The following ANKS1A variants were observed in gnomAD, a reference collection of about 807,000 sequenced individuals.
ANKS1A encodes the protein ankyrin repeat and SAM domain-containing protein 1A.
Under a neutral mutation model 120.3 loss-of-function variants are expected in ANKS1A, and 55 were observed. That is an observed-to-expected ratio of 0.46 (90% CI 0.37 to 0.57). The LOEUF is 0.57. Among genes scored for constraint, ANKS1A ranks in the 20% least tolerant of loss-of-function variants. The pLI is 0.00. For missense variants in ANKS1A, 1,123 were observed against 1,480.3 expected, an observed-to-expected ratio of 0.76 and a Z score of 3.96; for synonymous variants, 590 against 604.7, an observed-to-expected ratio of 0.98 and a Z score of 0.36.
chr6:35,070,847 C>T (rs909059378), intron 13 of ANKS1A: 79 of 565,582 alleles, frequency 1.4e-4, no homozygotes, highest in East Asian at 3.0e-4. Flanking sequence ...TGTGTGTGTG[C>T]GCGCCAAAGA....
At chr6:35,052,766 G>A (rs1320811890) in intron 11 of ANKS1A, among the ~76,000 whole-genome samples, 2 of 152,050 alleles carry the variant, frequency 1.3e-5, no homozygotes, top group African/African-American at 4.8e-5. Context: ...GGAGGGAGGC[G>A]TTTTCTTCAA....
At chr6:34,924,901 G>A (rs968440637) in intron 1 of ANKS1A, among the ~76,000 whole-genome samples, 41 of 152,152 alleles carry the variant, frequency 2.7e-4, no homozygotes, top group African/African-American at 7.5e-4. Context: ...GATTATAGGC[G>A]TGAGCCACCA....
chr6:34,941,694 C>T (rs559281984), intron 1 of ANKS1A, among the ~76,000 whole-genome samples: 6 of 152,340 alleles, frequency 3.9e-5, no homozygotes, highest in African/African-American at 1.4e-4. Context: ...ATTGGATTCT[C>T]TGATGCTCAA....
At chr6:34,927,136 C>A (rs1467644276) in intron 1 of ANKS1A, among the ~76,000 whole-genome samples, 3 of 151,532 alleles carry the variant, frequency 2.0e-5, no homozygotes, top group Non-Finnish European at 2.9e-5. Context: ...AATCATATTA[C>A]GTAAAATGGT....
intron 1 of ANKS1A, among the ~76,000 whole-genome samples, chr6:34,895,308 T>G (rs531208390): frequency 6.6e-6 from 1 of 151,992 alleles, no homozygotes; most frequent in East Asian, 1.9e-4. Flanking sequence ...CTCATCCTCC[T>G]GAGCTATTGG....
rs896357360 is a variant in ANKS1A, at chr6:35,060,372, A to G, written c.2184+119A>G. ...GTACGTAGACCCAAATCCCAGGGAA[A>G]GCTCACTGAGGTCACTCAGACACCA... is the stretch of plus-strand genomic sequence containing the variant. On this transcript the variant is annotated intron_variant, in intron 13 of 23. Coordinates refer to ENST00000360359, the MANE Select transcript of ANKS1A (RefSeq NM_015245.3). The surrounding 1 kb of genome is among the most constrained non-coding windows in gnomAD (Gnocchi z 4.5). 4.8e-6 allele frequency: 4 copies of G among 835,934 alleles called. No homozygotes were observed. Among genetic ancestry groups the G allele is most frequent in the East Asian group, 2.8e-5 (1 of 36,142 alleles). The allele number at this position is 835,934 out of a possible 1,614,324, so 51.8% of individuals were successfully genotyped here.
At chr6:34,900,443 C>G (rs1767290723) in intron 1 of ANKS1A, among the ~76,000 whole-genome samples, 1 of 150,170 alleles carries the variant, frequency 6.7e-6, no homozygotes, top group Non-Finnish European at 1.5e-5. Context: ...CTCATAACAA[C>G]TCTCTCTGTT....
At position 35,067,522 on chromosome 6, in the gene ANKS1A, C is replaced by T. The variant is rs373412305; in HGVS notation, c.2184+7269C>T. On this transcript the variant is annotated intron_variant, in intron 13 of 23. Transcript: ENST00000360359. ...GAGTGCCCAGTGGCAGGGTGAGTGA[C>T]GGGCGTGCTTGAGTTGGTGCCGTCG... 4.3e-3 allele frequency among the ~76,000 whole-genome samples: 654 copies of T among 152,256 alleles called. 5 individuals carry two copies. Among genetic ancestry groups the T allele is most frequent in the Middle Eastern group, 0.027 (8 of 294 alleles).
At chr6:35,049,363 A>G (rs951459131) in intron 11 of ANKS1A, among the ~76,000 whole-genome samples, 2 of 152,224 alleles carry the variant, frequency 1.3e-5, no homozygotes, top group Non-Finnish European at 2.9e-5. Flanking sequence ...GCTGTGTACA[A>G]GGCATATGGT....
chr6:35,081,655 C>T (rs547279258), intron 17 of ANKS1A, among the ~76,000 whole-genome samples: 1 of 152,256 alleles, frequency 6.6e-6, no homozygotes, highest in Non-Finnish European at 1.5e-5. Flanking sequence ...TTCTGTTCTT[C>T]CTGTTCTCTG....
At chr6:34,994,972 G>A (rs1266327364) in intron 10 of ANKS1A, among the ~76,000 whole-genome samples, 2 of 152,200 alleles carry the variant, frequency 1.3e-5, no homozygotes, top group African/African-American at 4.8e-5. Flanking sequence ...CTGAGATCCA[G>A]CCCGTCGATA....
intron 3 of ANKS1A, among the ~76,000 whole-genome samples, chr6:34,979,519 T>A (rs1431024633): frequency 6.6e-6 from 1 of 152,214 alleles, no homozygotes; most frequent in African/African-American, 2.4e-5. Flanking sequence ...TGACCTTGCC[T>A]TTAGCAGGGC....
chr6:35,074,899 C>A (rs1403342024), intron 13 of ANKS1A, among the ~76,000 whole-genome samples: 2 of 152,234 alleles, frequency 1.3e-5, no homozygotes, highest in Non-Finnish European at 2.9e-5. Flanking sequence ...GGCCAGCAGT[C>A]ACCACACGGG....
intron 11 of ANKS1A, among the ~76,000 whole-genome samples, chr6:35,032,049 A>G (rs974297650): frequency 3.3e-5 from 5 of 152,264 alleles, no homozygotes; most frequent in Non-Finnish European, 2.9e-5. Flanking sequence ...TACAGAAATG[A>G]AATTGTAAAC....
At chr6:35,068,495 T>A (rs893095474) in intron 13 of ANKS1A, among the ~76,000 whole-genome samples, 4 of 152,178 alleles carry the variant, frequency 2.6e-5, no homozygotes, top group African/African-American at 4.8e-5. Flanking sequence ...AGGGTGTGGC[T>A]TTGTCCCCGC....
At chr6:34,893,821 C>T (rs1310636552) in intron 1 of ANKS1A, among the ~76,000 whole-genome samples, 5 of 152,114 alleles carry the variant, frequency 3.3e-5, no homozygotes, top group Non-Finnish European at 5.9e-5. Flanking sequence ...ATGTAAGCCC[C>T]AAGCATCAGT....
intron 10 of ANKS1A, among the ~76,000 whole-genome samples, chr6:34,998,888 C>T (rs1772998506): frequency 6.6e-6 from 1 of 152,200 alleles, no homozygotes; most frequent in Non-Finnish European, 1.5e-5. Flanking sequence ...GTTGAGGCAG[C>T]TCCTTAGGCG....
At chr6:35,063,014 TCTC>T (rs1259252178) in intron 13 of ANKS1A, among the ~76,000 whole-genome samples, 1 of 152,166 alleles carries the variant, frequency 6.6e-6, no homozygotes, top group Non-Finnish European at 1.5e-5. Context: ...GCCCTCTTAT[TCTC>T]CTCTTGTGAT....
chr6:35,089,384 T>C lies in ANKS1A; in HGVS notation c.*775T>C, dbSNP rs919993222. ...AGCGCCAGGCCTCTCCCTGGCCTCT[T>C]ACCTGTCAGTGATCGGAGCACTGCC... On this transcript the variant is annotated 3_prime_UTR_variant, in exon 24 of 24. Transcript: ENST00000360359. 5.1e-6 allele frequency: 5 copies of C among 986,512 alleles called. No individual in the cohort carries two copies. The African/African-American group carries it at 8.7e-5, about 17-fold the overall frequency. 61.1% of individuals were successfully genotyped at this position (986,512 alleles called of 1,614,324 possible). A position where few individuals can be genotyped will look rare whatever the true frequency, so the allele number is the denominator to read the frequency against.
Sources: allele counts gnomAD v4.1 joint callset (sites outside exome capture counted in the v4.1 genomes callset), GRCh38; gene constraint gnomAD v4.1.1; non-coding constraint Gnocchi (gnomAD v3.1); transcripts MANE v1.5; gene names NCBI Gene and HGNC (gene_info 2026-07-23, HGNC 2026-07-21).